The following SYT9 variants were observed in gnomAD, a reference collection of about 807,000 sequenced individuals.
SYT9 encodes the protein synaptotagmin-9.
In SYT9, 22 loss-of-function variants were observed where a neutral mutation model predicts 48.4. The observed-to-expected ratio is 0.45, with a 90% confidence interval of 0.32 to 0.65. SYT9 has a LOEUF of 0.65. Ranked by LOEUF, SYT9 falls within the 30% of genes least tolerant of loss-of-function variation. The pLI is 0.03. For missense variants in SYT9, 577 were observed against 622.0 expected (o/e 0.93, Z 0.77); for synonymous variants, 265 against 245.0 (o/e 1.08, Z -0.76).
At chr11:7,454,670 C>G (rs1248114407) in intron 6 of SYT9, among the ~76,000 whole-genome samples, 1 of 152,228 alleles carries the variant, frequency 6.6e-6, no homozygotes, top group East Asian at 1.9e-4. Flanking sequence ...ATAACACAGC[C>G]TCTCATTCTG....
chr11:7,410,915 C>T lies in SYT9; in HGVS notation c.1045-5127C>T, dbSNP rs374423181. Among the ~76,000 whole-genome samples, 187 of 152,184 alleles carry T rather than the reference C, an allele frequency of 1.2e-3. 4 individuals carry two copies. The South Asian group carries it at 0.036, about 29-fold the overall frequency. The stretch of plus-strand genomic sequence containing the variant: ...TGTCACCCAGGCTGGAGCGCAATGG[C>T]GCAGTCCCAGCTCACTGCAACCTCT... On this transcript the variant is annotated intron_variant, in intron 3 of 6. Coordinates refer to ENST00000318881, the MANE Select transcript of SYT9 (RefSeq NM_175733.4).
intron 3 of SYT9, among the ~76,000 whole-genome samples, chr11:7,359,740 T>A (rs1850094686): frequency 7.5e-6 from 1 of 133,000 alleles, no homozygotes; most frequent in Non-Finnish European, 1.7e-5. Flanking sequence ...CATTGTAGAT[T>A]CTGGATATTA....
chr11:7,462,322 G>A (rs1848251395), intron 6 of SYT9, among the ~76,000 whole-genome samples: 1 of 152,210 alleles, frequency 6.6e-6, no homozygotes, highest in South Asian at 2.1e-4. Flanking sequence ...AAGCTCTTAG[G>A]ATAGAGCTAG....
In SYT9 at chr11:7,463,484, A is replaced by G. The variant is rs1428556589; in HGVS notation, c.1468-3308A>G. ...TTCTAGTCTTCCCCCAACAGAAGCC[A>G]GACAAAAGGGGGCTGAACAACAACA... On this transcript the variant is annotated intron_variant, in intron 6 of 6. Coordinates refer to ENST00000318881, the MANE Select transcript of SYT9 (RefSeq NM_175733.4). Among the ~76,000 whole-genome samples the G allele has an allele frequency of 3.3e-5, 5 of 151,448 alleles. No homozygotes were observed. In the East Asian group the frequency reaches 9.7e-4, roughly 29 times the overall value.
chr11:7,448,658 C>G (rs762893878), intron 6 of SYT9, among the ~76,000 whole-genome samples: 1 of 152,236 alleles, frequency 6.6e-6, no homozygotes, highest in Non-Finnish European at 1.5e-5. Flanking sequence ...TCCAGACATA[C>G]TGAAATAGTT....
intron 6 of SYT9, among the ~76,000 whole-genome samples, chr11:7,464,060 T>G (rs1848283821): frequency 1.3e-5 from 2 of 152,160 alleles, no homozygotes; most frequent in Admixed American, 6.5e-5. Context: ...AGGTGGTCCC[T>G]AAGGCTGGGT....
At position 7,252,314 on chromosome 11, in the gene SYT9, C is replaced by T; in HGVS notation, c.128C>T (p.Pro43Leu). 1 of 1,496,768 alleles carries T rather than the reference C, an allele frequency of 6.7e-7. No individual in the cohort carries two copies. The highest frequency in any genetic ancestry group is 1.3e-5 in the South Asian group (1 of 77,000). The allele number at this position is 1,496,768 out of a possible 1,614,324, so 92.7% of individuals were successfully genotyped here. ...FIYHLRDRAR[P>L]RLRDPDISVS... ...TACCACCTGCGGGACCGTGCCAGAC[C>T]CCGGCTCCGCGACCCAGGTGAGTGC... The change falls in exon 1 of 7, where the codon CCC becomes CTC. Residue 43 changes from proline (P) to leucine (L), a missense_variant. By Grantham distance (98) the Pro-to-Leu change is moderately conservative. Transcript: ENST00000318881. This position sits in a 1 kb window ranked among gnomAD's most constrained non-coding sequence, Gnocchi z 6.3.
chr11:7,286,404 G>C (rs769269333), intron 1 of SYT9, among the ~76,000 whole-genome samples: 4 of 152,164 alleles, frequency 2.6e-5, no homozygotes, highest in East Asian at 1.9e-4. Context: ...GCACACAGCA[G>C]GGGGGGCCCA....
At chr11:7,415,282 G>T (rs1372106155) in intron 3 of SYT9, among the ~76,000 whole-genome samples, 1 of 152,118 alleles carries the variant, frequency 6.6e-6, no homozygotes, top group Non-Finnish European at 1.5e-5. Context: ...GTGTGGGCTC[G>T]CAGGGTGCCA....
At chr11:7,245,013 T>C (rs1403889631) in intron 1 of SYT9, among the ~76,000 whole-genome samples, 5 of 152,170 alleles carry the variant, frequency 3.3e-5, no homozygotes, top group African/African-American at 1.2e-4. Flanking sequence ...AGAAGACAGA[T>C]AAGATGATGA....
At chr11:7,355,327 G>T (rs1849998234) in intron 3 of SYT9, among the ~76,000 whole-genome samples, 1 of 152,088 alleles carries the variant, frequency 6.6e-6, no homozygotes, top group Admixed American at 6.5e-5. Flanking sequence ...TTACCCCCTA[G>T]CCTTACCTTC....
intron 1 of SYT9, among the ~76,000 whole-genome samples, chr11:7,294,070 G>A (rs1211438068): frequency 6.6e-6 from 1 of 152,180 alleles, no homozygotes; most frequent in Non-Finnish European, 1.5e-5. Context: ...CAAGGCACCA[G>A]CATATTTTCT....
intron 6 of SYT9, among the ~76,000 whole-genome samples, chr11:7,422,345 C>T (rs550252391): frequency 3.7e-4 from 56 of 152,236 alleles, no homozygotes; most frequent in Admixed American, 2.7e-3. Flanking sequence ...CCCTAATTTG[C>T]GGGTTCTTAA....
chr11:7,258,155 C>T (rs895587478), intron 1 of SYT9, among the ~76,000 whole-genome samples: 3 of 152,180 alleles, frequency 2.0e-5, no homozygotes, highest in Admixed American at 2.0e-4. Context: ...GGCTTAAAAA[C>T]ATTCATAATC....
At chr11:7,444,555 C>G (rs1201628026) in intron 6 of SYT9, 2 of 152,162 alleles carry the variant, frequency 1.3e-5, no homozygotes, top group Admixed American at 6.6e-5. Context: ...TAATCCTATT[C>G]CAGAGTCTAG....
intron 1 of SYT9, among the ~76,000 whole-genome samples, chr11:7,259,520 T>C (rs1281514469): frequency 2.0e-5 from 3 of 152,166 alleles, no homozygotes; most frequent in South Asian, 2.1e-4. Context: ...TCCTGCTACA[T>C]GTCAACAGTA....
Position 7,290,967 on chromosome 11 carries a change from C to T in SYT9, c.146-12072C>T, listed in dbSNP as rs74882439. 2.7e-3 allele frequency among the ~76,000 whole-genome samples: 410 copies of T among 152,218 alleles called. 2 individuals are homozygous for T. Among genetic ancestry groups the T allele is most frequent in the African/African-American group, 9.1e-3 (378 of 41,538 alleles). On this transcript the variant is annotated intron_variant, in intron 1 of 6. Coordinates refer to ENST00000318881, the MANE Select transcript of SYT9 (RefSeq NM_175733.4). ...AAGGATCAAAGGATAGTGCAATACT[C>T]CAGGGCTAGTAATAGTAGGGAGCCA...
intron 1 of SYT9, among the ~76,000 whole-genome samples, chr11:7,297,059 GGTGTGT>G (rs151226620): frequency 0.51 from 75,345 of 147,832 alleles, 19,133 homozygotes; most frequent in African/African-American, 0.56. Context: ...TCTGAACCAC[GGTGTGT>G]GTGTGTGTGT....
At chr11:7,373,017 G>C (rs1329079161) in intron 3 of SYT9, among the ~76,000 whole-genome samples, 1 of 152,000 alleles carries the variant, frequency 6.6e-6, no homozygotes, top group Non-Finnish European at 1.5e-5. Flanking sequence ...TTCTCCTTCA[G>C]TTCATTAATA....
Sources: gnomAD v4.1 joint callset for allele counts (sites outside exome capture counted in the v4.1 genomes callset) on GRCh38, gnomAD v4.1.1 for gene constraint, Gnocchi (gnomAD v3.1) non-coding constraint, MANE v1.5 for transcripts, NCBI Gene and HGNC (gene_info 2026-07-23, HGNC 2026-07-21) for gene names.